VPS8: variants seen among roughly 807,000 people sequenced by gnomAD.
VPS8 encodes vacuolar protein sorting-associated protein 8 homolog.
VPS8 carries 129 observed loss-of-function variants against 216.4 expected under a neutral mutation model. The observed-to-expected ratio is 0.60, with a 90% confidence interval of 0.52 to 0.69. VPS8 has a LOEUF of 0.69. Among genes scored for constraint, VPS8 ranks in the 30% least tolerant of loss-of-function variants. The pLI, the probability that VPS8 is intolerant of heterozygous loss-of-function variation, is 0.00. For missense variants in VPS8, 1,531 were observed against 1,683.5 expected (o/e 0.91, Z 1.59); for synonymous variants, 571 against 565.4 (o/e 1.01, Z -0.14).
intron 29 of VPS8, 78 bp from the exon 30 acceptor site, chr3:184,924,784 C>T: frequency 6.8e-7 from 1 of 1,463,998 alleles, no homozygotes; most frequent in Non-Finnish European, 9.0e-7. Context: ...TGAGGCTATC[C>T]CGTCTTCTAA....
At chr3:184,998,624 G>A (rs757228705) in intron 44 of VPS8, among the ~76,000 whole-genome samples, 3 of 151,638 alleles carry the variant, frequency 2.0e-5, no homozygotes, top group Admixed American at 6.6e-5. Flanking sequence ...TGGAATGTCC[G>A]ACATTTTAGA....
At chr3:184,884,689 C>G (rs896554472) in intron 21 of VPS8, among the ~76,000 whole-genome samples, 3 of 152,166 alleles carry the variant, frequency 2.0e-5, no homozygotes, top group South Asian at 2.1e-4. Context: ...TAGGCAGGTC[C>G]TCTGCTTCAT....
At chr3:185,006,400 T>C (rs993029883) in intron 45 of VPS8, among the ~76,000 whole-genome samples, 1 of 152,184 alleles carries the variant, frequency 6.6e-6, no homozygotes, top group African/African-American at 2.4e-5. Flanking sequence ...GACCTCAAGT[T>C]TGTAAGACCA....
At chr3:185,004,283 G>A (rs1753899481) in intron 45 of VPS8, among the ~76,000 whole-genome samples, 2 of 152,240 alleles carry the variant, frequency 1.3e-5, no homozygotes, top group South Asian at 4.1e-4. Flanking sequence ...CTGGAGACCA[G>A]CCCGGCCAAC....
intron 43 of VPS8, among the ~76,000 whole-genome samples, chr3:184,995,194 C>T (rs13068722): frequency 0.23 from 34,633 of 152,134 alleles, 5,217 homozygotes; most frequent in East Asian, 0.52. Context: ...GCTTGGTGTA[C>T]GGGCTTTTTT....
chr3:184,981,280 T>C (rs1750151545), intron 40 of VPS8, among the ~76,000 whole-genome samples: 1 of 152,016 alleles, frequency 6.6e-6, no homozygotes, highest in Non-Finnish European at 1.5e-5. Context: ...GAGTCCAGAG[T>C]CCATCCTTGT....
intron 1 of VPS8, 148 bp from the exon 2 acceptor site, chr3:184,824,397 C>A (rs1030923287): frequency 1.0e-5 from 5 of 492,056 alleles, no homozygotes; most frequent in Non-Finnish European, 1.5e-5. Context: ...ATAACATACC[C>A]TGTACCCCAC....
intron 21 of VPS8, among the ~76,000 whole-genome samples, chr3:184,875,059 T>A (rs1578017238): frequency 6.9e-6 from 1 of 144,486 alleles, no homozygotes; most frequent in Non-Finnish European, 1.5e-5. Context: ...TTTAAAACTT[T>A]TTTTTTTTTT....
intron 45 of VPS8, among the ~76,000 whole-genome samples, chr3:185,000,921 C>G (rs914272610): frequency 1.3e-5 from 2 of 152,110 alleles, no homozygotes; most frequent in African/African-American, 4.8e-5. Context: ...TTTGTTTCAT[C>G]AGCCATCAGC....
intron 31 of VPS8, among the ~76,000 whole-genome samples, chr3:184,927,110 G>A (rs546110872): frequency 2.6e-5 from 4 of 152,054 alleles, no homozygotes; most frequent in Non-Finnish European, 5.9e-5. Context: ...CTGTCCCTCC[G>A]CTAATTATCA....
chr3:184,888,266 G>A (rs573484283), intron 22 of VPS8, among the ~76,000 whole-genome samples: 8 of 152,262 alleles, frequency 5.3e-5, no homozygotes, highest in African/African-American at 1.9e-4. Flanking sequence ...GGGATTACAG[G>A]CATGAGCCGC....
chr3:184,890,999 A>G (rs927423882), intron 22 of VPS8, among the ~76,000 whole-genome samples: 1 of 152,088 alleles, frequency 6.6e-6, no homozygotes, highest in Non-Finnish European at 1.5e-5. Context: ...GGTAGCCCTA[A>G]TGTCAGTTTT....
At chr3:184,853,391 G>A (rs1419719169) in intron 11 of VPS8, among the ~76,000 whole-genome samples, 1 of 152,186 alleles carries the variant, frequency 6.6e-6, no homozygotes, top group Non-Finnish European at 1.5e-5. Context: ...TTCTCAGAAG[G>A]GGCAACATCT....
intron 45 of VPS8, among the ~76,000 whole-genome samples, chr3:185,015,058 G>A (rs968186909): frequency 3.3e-5 from 5 of 152,200 alleles, no homozygotes; most frequent in African/African-American, 9.6e-5. Flanking sequence ...TCCAGTCCTC[G>A]AGGATTAACT....
chr3:184,866,160 A>G (rs1407401069), intron 16 of VPS8, among the ~76,000 whole-genome samples: 1 of 152,196 alleles, frequency 6.6e-6, no homozygotes, highest in Non-Finnish European at 1.5e-5. Context: ...CATATTCACT[A>G]ACTGGTAAAG....
intron 36 of VPS8, among the ~76,000 whole-genome samples, chr3:184,943,280 T>C (rs1396646666): frequency 6.6e-6 from 1 of 152,168 alleles, no homozygotes; most frequent in African/African-American, 2.4e-5. Context: ...ATATAAAAGA[T>C]GGGGAAAAAA....
At chr3:184,936,515 CTGTGTGTG>C (rs59011109) in intron 35 of VPS8, among the ~76,000 whole-genome samples, 180 bp downstream of exon 35, 321 of 119,436 alleles carry the variant, frequency 2.7e-3, no homozygotes, top group Middle Eastern at 0.013. Context: ...CAACCTAATA[CTGTGTGTG>C]TGTGTGTGTG....
At chr3:184,993,141 G>C (rs542454685) in intron 42 of VPS8, among the ~76,000 whole-genome samples, 1 of 152,058 alleles carries the variant, frequency 6.6e-6, no homozygotes, top group South Asian at 2.1e-4. Context: ...ATGGAAAAGT[G>C]CTCACAATAT....
intron 46 of VPS8, among the ~76,000 whole-genome samples, chr3:185,026,025 G>A (rs181087927): frequency 3.3e-5 from 5 of 152,218 alleles, no homozygotes; most frequent in Admixed American, 3.3e-4. Flanking sequence ...GTTGACACTA[G>A]TATTAAAATG....
Sources: gnomAD v4.1 joint callset for allele counts (sites outside exome capture counted in the v4.1 genomes callset) on GRCh38, gnomAD v4.1.1 for gene constraint, MANE v1.5 for transcripts, NCBI Gene and HGNC (gene_info 2026-07-23, HGNC 2026-07-21) for gene names.